LCLAT1: variants seen among roughly 807,000 people sequenced by gnomAD.
The protein encoded by LCLAT1 is 1-AGP acyltransferase 8.
Under a neutral mutation model 30.7 loss-of-function variants are expected in LCLAT1, and 11 were observed. The ratio of observed to expected loss-of-function variants is 0.36; its 90% CI spans 0.23 to 0.59. LCLAT1 has a LOEUF of 0.59. Among genes scored for constraint, LCLAT1 ranks in the 20% least tolerant of loss-of-function variants. The pLI is 0.77. For missense variants in LCLAT1, 402 were observed against 458.6 expected (o/e 0.88, Z 1.13); for synonymous variants, 155 against 151.3 (o/e 1.02, Z -0.18).
chr2:30,458,486 A>C (rs1297394336), intron 1 of LCLAT1, among the ~76,000 whole-genome samples: 1 of 152,100 alleles, frequency 6.6e-6, no homozygotes, highest in East Asian at 1.9e-4. Context: ...AGCTGTTGGG[A>C]GTTTCAAGAG....
At chr2:30,546,396 T>A (rs759321902) in intron 3 of LCLAT1, among the ~76,000 whole-genome samples, 2 of 152,164 alleles carry the variant, frequency 1.3e-5, no homozygotes, top group Non-Finnish European at 2.9e-5. Context: ...TTTTTAGAGA[T>A]CATGAATAAA....
chr2:30,512,128 A>G (rs1684966506), intron 1 of LCLAT1, among the ~76,000 whole-genome samples: 1 of 152,190 alleles, frequency 6.6e-6, no homozygotes, highest in South Asian at 2.1e-4. Context: ...AGAGAGCACA[A>G]TTAGATATTT....
At chr2:30,637,234 A>G (rs1488257765) in intron 5 of LCLAT1, among the ~76,000 whole-genome samples, 1 of 152,138 alleles carries the variant, frequency 6.6e-6, no homozygotes, top group Non-Finnish European at 1.5e-5. Context: ...GTCTGCAGAT[A>G]GAGAGTGCTC....
At chr2:30,537,519 A>AAC (rs1457494717) in intron 3 of LCLAT1, among the ~76,000 whole-genome samples, 2 of 101,344 alleles carry the variant, frequency 2.0e-5, no homozygotes, top group African/African-American at 8.3e-5. Flanking sequence ...AACAATTGTA[A>AAC]ATACACACAC....
chr2:30,538,035 A>C (rs1337562878), intron 3 of LCLAT1, among the ~76,000 whole-genome samples: 1 of 152,196 alleles, frequency 6.6e-6, no homozygotes, highest in African/African-American at 2.4e-5. Flanking sequence ...AGCAAATGAA[A>C]ATAGAAACAT....
chr2:30,622,597 G>A (rs981211909), intron 5 of LCLAT1, among the ~76,000 whole-genome samples: 2 of 152,122 alleles, frequency 1.3e-5, no homozygotes, highest in Non-Finnish European at 2.9e-5. Flanking sequence ...TGGTATCCAC[G>A]ACTGAGACAC....
At chr2:30,459,855 TA>T in intron 1 of LCLAT1, 1 of 582,788 alleles carries the variant, frequency 1.7e-6, no homozygotes, top group Middle Eastern at 3.8e-4. Context: ...GCTTGTTCTA[TA>T]ACCTTTTCAT....
At chr2:30,573,784 G>T (rs569510755) in intron 5 of LCLAT1, among the ~76,000 whole-genome samples, 1 of 152,006 alleles carries the variant, frequency 6.6e-6, no homozygotes, top group African/African-American at 2.4e-5. Flanking sequence ...CTTCTTCACT[G>T]TTTTTTCTCA....
chr2:30,593,589 G>GTTA (rs1356241719), intron 5 of LCLAT1, among the ~76,000 whole-genome samples: 1 of 152,150 alleles, frequency 6.6e-6, no homozygotes, highest in Non-Finnish European at 1.5e-5. Flanking sequence ...TGTGAGTAAT[G>GTTA]TTATTTGTAT....
At chr2:30,523,532 C>T (rs1418888986) in intron 1 of LCLAT1, among the ~76,000 whole-genome samples, 1 of 152,100 alleles carries the variant, frequency 6.6e-6, no homozygotes, top group East Asian at 1.9e-4. Flanking sequence ...TCAGTTTGTA[C>T]TTTGAAGGAT....
chr2:30,586,990 C>T (rs963346980), intron 5 of LCLAT1, among the ~76,000 whole-genome samples: 2 of 152,174 alleles, frequency 1.3e-5, no homozygotes, highest in African/African-American at 2.4e-5. Context: ...CACCCTTATT[C>T]CCTAATAACT....
intron 5 of LCLAT1, among the ~76,000 whole-genome samples, chr2:30,580,807 T>C (rs1666181758): frequency 6.6e-6 from 1 of 152,182 alleles, no homozygotes; most frequent in African/African-American, 2.4e-5. Flanking sequence ...ACTTTATAAA[T>C]ACTCCAAGCC....
intron 5 of LCLAT1, among the ~76,000 whole-genome samples, chr2:30,586,143 C>G (rs941052659): frequency 6.7e-6 from 1 of 149,148 alleles, no homozygotes; most frequent in African/African-American, 2.5e-5. Context: ...ACTCCAGAGG[C>G]TGAGGCAGGG....
chr2:30,561,932 A>G (rs1433864341), intron 3 of LCLAT1, among the ~76,000 whole-genome samples: 1 of 152,198 alleles, frequency 6.6e-6, no homozygotes, highest in Non-Finnish European at 1.5e-5. Context: ...AGAATTTTGC[A>G]AACCTCAGGA....
At chr2:30,561,703 G>C (rs951932195) in intron 3 of LCLAT1, among the ~76,000 whole-genome samples, 7 of 152,094 alleles carry the variant, frequency 4.6e-5, no homozygotes, top group Non-Finnish European at 8.8e-5. Context: ...GTATCAGAAG[G>C]GAAATATTAA....
chr2:30,482,872 G>A (rs1286744873), intron 1 of LCLAT1, among the ~76,000 whole-genome samples: 1 of 152,046 alleles, frequency 6.6e-6, no homozygotes, highest in Non-Finnish European at 1.5e-5. Flanking sequence ...CACCCTCTCT[G>A]GAGTAAGATA....
chr2:30,484,680 C>T (rs1158059266), intron 1 of LCLAT1, among the ~76,000 whole-genome samples: 1 of 152,038 alleles, frequency 6.6e-6, no homozygotes, highest in African/African-American at 2.4e-5. Context: ...TAAATGTTAG[C>T]CATCAAATTT....
intron 3 of LCLAT1, among the ~76,000 whole-genome samples, chr2:30,542,944 CT>C (rs1230867573): frequency 4.5e-5 from 6 of 134,614 alleles, no homozygotes; most frequent in Non-Finnish European, 4.7e-5. Flanking sequence ...TAATATTCGA[CT>C]TTTATGGCTT....
intron 1 of LCLAT1, among the ~76,000 whole-genome samples, chr2:30,456,886 C>G (rs1681865025): frequency 6.6e-6 from 1 of 152,124 alleles, no homozygotes; most frequent in African/African-American, 2.4e-5. Context: ...CTTGATCTTG[C>G]TGGAAGCGAA....
Sources: allele counts gnomAD v4.1 joint callset (sites outside exome capture counted in the v4.1 genomes callset), GRCh38; gene constraint gnomAD v4.1.1; transcripts MANE v1.5; gene names NCBI Gene and HGNC (gene_info 2026-07-23, HGNC 2026-07-21).